SRGAP3: variants seen among roughly 807,000 people sequenced by gnomAD.
SRGAP3 encodes SLIT-ROBO Rho GTPase-activating protein 3.
A neutral mutation model predicts 121.1 loss-of-function variants in SRGAP3; 39 were observed. That is an observed-to-expected ratio of 0.32 (90% CI 0.25 to 0.42). SRGAP3 has a LOEUF of 0.42. SRGAP3 is among the 10% of genes least tolerant of loss of function. SRGAP3 has a pLI of 1.00. For synonymous variants in SRGAP3, 601 were observed against 570.0 expected (o/e 1.05, Z -0.77); for missense variants, 1,213 against 1,470.6 (o/e 0.82, Z 2.86).
chr3:9,301,324 C>T (rs765311692), intron 3 of SRGAP3, among the ~76,000 whole-genome samples: 4 of 152,204 alleles, frequency 2.6e-5, no homozygotes, highest in Non-Finnish European at 4.4e-5. Context: ...GTTAAGTTAA[C>T]GCACATGCCT....
intron 3 of SRGAP3, among the ~76,000 whole-genome samples, chr3:9,263,898 C>G (rs1954303062): frequency 6.6e-6 from 1 of 152,174 alleles, no homozygotes; most frequent in African/African-American, 2.4e-5. Context: ...GATACTAAAA[C>G]CTGGCAGAGA....
At chr3:9,234,838 G>T (rs879705915) in intron 1 of SRGAP3, among the ~76,000 whole-genome samples, 1 of 152,194 alleles carries the variant, frequency 6.6e-6, no homozygotes, top group African/African-American at 2.4e-5. Context: ...GGTACCAGCA[G>T]GGAGGGTCTC....
chr3:9,326,363 G>C (rs1021845485), intron 2 of SRGAP3, among the ~76,000 whole-genome samples: 1 of 151,832 alleles, frequency 6.6e-6, no homozygotes, highest in Admixed American at 6.5e-5. Flanking sequence ...GGACCATCAG[G>C]TACTCAAATG....
chr3:9,065,345 C>T (rs2125213118), intron 4 of SRGAP3: 1 of 152,332 alleles, frequency 6.6e-6, no homozygotes, highest in South Asian at 2.1e-4. Context: ...AATCCAACAA[C>T]CTTCTAGTTT....
chr3:9,353,493 A>C (rs773225717), intron 1 of SRGAP3, among the ~76,000 whole-genome samples: 13 of 152,248 alleles, frequency 8.5e-5, no homozygotes, highest in Non-Finnish European at 1.5e-4. Flanking sequence ...GAGAAGAATA[A>C]ATTTCATATA....
At chr3:9,195,611 C>A (rs1270787998) in intron 1 of SRGAP3, among the ~76,000 whole-genome samples, 1 of 152,142 alleles carries the variant, frequency 6.6e-6, no homozygotes, top group Non-Finnish European at 1.5e-5. Context: ...CAGAAAGGCA[C>A]ACCAATAAAC....
upstream of SRGAP3, among the ~76,000 whole-genome samples, chr3:9,250,140 G>A (rs1574940956): frequency 1.3e-5 from 2 of 152,310 alleles, no homozygotes; most frequent in East Asian, 1.9e-4. Flanking sequence ...ATTGGCTTGT[G>A]GGGCTCTGGG....
intron 2 of SRGAP3, among the ~76,000 whole-genome samples, chr3:9,105,137 CT>C (rs1948374006): frequency 6.6e-6 from 1 of 152,218 alleles, no homozygotes; most frequent in African/African-American, 2.4e-5. Flanking sequence ...GCTACCTCCC[CT>C]GGGGCTAAGA....
At chr3:9,161,934 T>C (rs1247788470) in intron 1 of SRGAP3, among the ~76,000 whole-genome samples, 1 of 152,192 alleles carries the variant, frequency 6.6e-6, no homozygotes, top group Non-Finnish European at 1.5e-5. Context: ...CATGGGTAGA[T>C]GGACTGGATG....
chr3:9,191,234 G>A (rs967150348), intron 1 of SRGAP3, among the ~76,000 whole-genome samples: 10 of 152,136 alleles, frequency 6.6e-5, no homozygotes, highest in Admixed American at 4.6e-4. Context: ...ATGGTCTCCC[G>A]GATTATAATG....
chr3:9,124,838 G>C lies in SRGAP3; in HGVS notation c.147C>G (p.Leu49=). 6.2e-7 allele frequency: 1 copy of C among 1,614,216 alleles called. No homozygotes were observed. Among genetic ancestry groups the C allele is most frequent in the Non-Finnish European group, 8.5e-7 (1 of 1,180,048 alleles). Residue 49 remains leucine (L), a synonymous_variant, in exon 2 of 22, where the codon CTC becomes CTG. Transcript: ENST00000383836. Reference sequence around the variant, plus strand: ...CAGCTTTCCGGCGGAAAAACTCCTGGAGGTCTTGAAGCAGCTGCAGTCGCG... The same window carrying C: ...CAGCTTTCCGGCGGAAAAACTCCTGCAGGTCTTGAAGCAGCTGCAGTCGCG... ...SESRLQLLQD[L]QEFFRRKAEI...
intron 3 of SRGAP3, among the ~76,000 whole-genome samples, chr3:9,277,382 T>C (rs1037308034): frequency 3.3e-5 from 5 of 151,812 alleles, no homozygotes; most frequent in African/African-American, 1.2e-4. Flanking sequence ...AGCAGATCAC[T>C]TGAGGTCAGG....
intron 6 of SRGAP3, 164 bp from the exon 7 acceptor site, chr3:9,058,636 G>A (rs759560684): frequency 1.1e-4 from 74 of 683,372 alleles, no homozygotes; most frequent in Middle Eastern, 4.0e-4. Context: ...ACCTCACGGC[G>A]CCCCTCAAGG....
chr3:9,353,930 T>C (rs1023956859), intron 1 of SRGAP3, among the ~76,000 whole-genome samples: 1 of 151,686 alleles, frequency 6.6e-6, no homozygotes, highest in African/African-American at 2.4e-5. Flanking sequence ...GATTGGGGAG[T>C]ACAAGGAAGG....
At chr3:9,277,450 A>AAG (rs1954606014) in intron 3 of SRGAP3, among the ~76,000 whole-genome samples, 1 of 151,410 alleles carries the variant, frequency 6.6e-6, no homozygotes, top group South Asian at 2.1e-4. Context: ...AAAAAAAAAA[A>AAG]TACAAAAATT....
chr3:9,254,934 A>AG (rs1954096859), intron 3 of SRGAP3, among the ~76,000 whole-genome samples: 2 of 149,710 alleles, frequency 1.3e-5, no homozygotes, highest in Non-Finnish European at 3.0e-5. Context: ...AGAGAGAAAG[A>AG]AAAAGAAAGA....
chr3:9,173,569 T>C (rs1005989835), intron 1 of SRGAP3, among the ~76,000 whole-genome samples: 3 of 152,138 alleles, frequency 2.0e-5, no homozygotes, highest in South Asian at 4.1e-4. Context: ...TGGAGGCTGA[T>C]AGGATGCTTG....
intron 2 of SRGAP3, among the ~76,000 whole-genome samples, chr3:9,119,349 G>A (rs536422253): frequency 1.3e-5 from 2 of 152,196 alleles, no homozygotes; most frequent in East Asian, 3.9e-4. Flanking sequence ...TGGGCTCCTC[G>A]GCTCCACCCT....
At chr3:9,280,147 G>A (rs572044613) in intron 3 of SRGAP3, among the ~76,000 whole-genome samples, 1 of 152,338 alleles carries the variant, frequency 6.6e-6, no homozygotes, top group African/African-American at 2.4e-5. Flanking sequence ...ATAGCTTTGG[G>A]TTCCTAGGAG....
Sources: gnomAD v4.1 joint callset for allele counts (sites outside exome capture counted in the v4.1 genomes callset) on GRCh38, gnomAD v4.1.1 for gene constraint, MANE v1.5 for transcripts, NCBI Gene and HGNC (gene_info 2026-07-23, HGNC 2026-07-21) for gene names.